The following AFAP1 variants were observed in gnomAD, a reference collection of about 807,000 sequenced individuals.
AFAP1 encodes actin filament-associated protein 1.
AFAP1 carries 75 observed loss-of-function variants against 93.9 expected under a neutral mutation model. The observed-to-expected ratio is 0.80, with a 90% CI of 0.66 to 0.97. The LOEUF (loss-of-function observed/expected upper bound fraction) is 0.97, where lower values mean the gene tolerates loss of function less well. Ranked by LOEUF, AFAP1 falls within the 50% of genes least tolerant of loss-of-function variation. The pLI, the probability that AFAP1 is intolerant of heterozygous loss-of-function variation, is 0.00. For synonymous variants in AFAP1, 517 were observed against 430.7 expected, an observed-to-expected ratio of 1.20 and a Z score of -2.48; for missense variants, 1,201 against 1,050.8, an observed-to-expected ratio of 1.14 and a Z score of -1.98.
chr4:7,877,283 G>A (rs760184002), intron 1 of AFAP1, among the ~76,000 whole-genome samples: 3 of 151,676 alleles, frequency 2.0e-5, no homozygotes, highest in Admixed American at 6.6e-5. Flanking sequence ...TTCTCACAAC[G>A]GGTCCTGTGA....
intron 1 of AFAP1, among the ~76,000 whole-genome samples, chr4:7,930,660 C>T (rs541154427): frequency 5.8e-4 from 88 of 152,268 alleles, no homozygotes; most frequent in Non-Finnish European, 1.0e-3. Context: ...CAATGATGTT[C>T]CTATCAGGAA....
intron 3 of AFAP1, among the ~76,000 whole-genome samples, chr4:7,856,100 G>A (rs541034722): frequency 6.6e-6 from 1 of 152,344 alleles, no homozygotes; most frequent in Admixed American, 6.5e-5. Context: ...GAGTGCACGA[G>A]TGAGGCTTGC....
At chr4:7,784,424 A>C (rs545199733) in intron 12 of AFAP1, among the ~76,000 whole-genome samples, 54 of 152,108 alleles carry the variant, frequency 3.6e-4, no homozygotes, top group Non-Finnish European at 7.2e-4. Flanking sequence ...CATGAGACTC[A>C]AAGGCCCTTT....
At chr4:7,776,017 G>A (rs972547950) in intron 14 of AFAP1, 1 of 152,132 alleles carries the variant, frequency 6.6e-6, no homozygotes, top group African/African-American at 2.4e-5. Context: ...CAGTAATTTA[G>A]GACAACACCT....
At chr4:7,860,297 GGT>G (rs1260963532) in intron 3 of AFAP1, among the ~76,000 whole-genome samples, 4 of 151,986 alleles carry the variant, frequency 2.6e-5, no homozygotes, top group Non-Finnish European at 5.9e-5. Flanking sequence ...GTGACAGGGG[GGT>G]GGATTTGGAA....
At chr4:7,801,912 C>CAGA (rs1719065322) in intron 9 of AFAP1, among the ~76,000 whole-genome samples, 1 of 28,070 alleles carries the variant, frequency 3.6e-5, no homozygotes, top group Admixed American at 6.3e-4. Flanking sequence ...GAGACCCTAT[C>CAGA]ACAAAAAAAA....
At chr4:7,805,766 T>C (rs1317368314) in intron 9 of AFAP1, among the ~76,000 whole-genome samples, 2 of 152,184 alleles carry the variant, frequency 1.3e-5, no homozygotes, top group Non-Finnish European at 2.9e-5. Flanking sequence ...AATGAGCCCC[T>C]GTTCTTACGC....
At chr4:7,780,571 G>A (rs1226139419) in intron 13 of AFAP1, among the ~76,000 whole-genome samples, 2 of 152,292 alleles carry the variant, frequency 1.3e-5, no homozygotes, top group African/African-American at 4.8e-5. Flanking sequence ...CCAGCTACTT[G>A]GGAGGCCAAG....
intron 16 of AFAP1, among the ~76,000 whole-genome samples, chr4:7,771,298 C>T (rs1434653592): frequency 6.6e-6 from 1 of 151,986 alleles, no homozygotes; most frequent in Non-Finnish European, 1.5e-5. Flanking sequence ...GTGGGAGGAT[C>T]ACCTGAGCCC....
chr4:7,898,340 A>G (rs945550479), intron 1 of AFAP1, among the ~76,000 whole-genome samples: 2 of 152,006 alleles, frequency 1.3e-5, no homozygotes, highest in Non-Finnish European at 2.9e-5. Context: ...CCCAGAAGGC[A>G]GAGGTTGCAG....
intron 6 of AFAP1, among the ~76,000 whole-genome samples, chr4:7,829,620 CAG>C (rs1491425017): frequency 6.6e-6 from 1 of 152,192 alleles, no homozygotes; most frequent in East Asian, 1.9e-4. Flanking sequence ...AAAAAATACT[CAG>C]TGTCATTCAC....
intron 1 of AFAP1, among the ~76,000 whole-genome samples, chr4:7,931,179 G>A (rs1043550896): frequency 6.6e-6 from 1 of 152,148 alleles, no homozygotes; most frequent in African/African-American, 2.4e-5. Flanking sequence ...CAATCTAGAA[G>A]AATGAGCTAA....
Position 7,766,886 on chromosome 4 carries a change from T to C in AFAP1, c.2418+1958A>G, listed in dbSNP as rs115534310. Among the ~76,000 whole-genome samples the C allele has an allele frequency of 2.0e-3, 308 of 151,890 alleles. 2 individuals are homozygous for C. The highest frequency in any genetic ancestry group is 7.3e-3 in the African/African-American group (304 of 41,432). On this transcript the variant is annotated intron_variant, in intron 17 of 17. Transcript: ENST00000420658. Reference sequence around the variant, plus strand: ...CGTCTGACTTTCCAGAACCCTCTCTTGCGCTCAATGCTCCTCACCGAGAGT... The same window carrying C: ...CGTCTGACTTTCCAGAACCCTCTCTCGCGCTCAATGCTCCTCACCGAGAGT...
intron 1 of AFAP1, among the ~76,000 whole-genome samples, chr4:7,901,000 T>C (rs1468610148): frequency 6.6e-6 from 1 of 152,228 alleles, no homozygotes; most frequent in Non-Finnish European, 1.5e-5. Context: ...TGCTTTCCAA[T>C]GCCTTCCTTC....
chr4:7,923,418 G>C (rs575838767), intron 1 of AFAP1, among the ~76,000 whole-genome samples: 1 of 152,306 alleles, frequency 6.6e-6, no homozygotes, highest in Admixed American at 6.5e-5. Flanking sequence ...CCTCTTCCTG[G>C]CTTGCAGACA....
chr4:7,813,465 T>G (rs759882864), intron 8 of AFAP1, among the ~76,000 whole-genome samples: 14 of 152,224 alleles, frequency 9.2e-5, no homozygotes, highest in Non-Finnish European at 1.9e-4. Flanking sequence ...CAGATATATT[T>G]GCTTACAAGT....
intron 3 of AFAP1, among the ~76,000 whole-genome samples, chr4:7,858,953 C>T (rs1312416770): frequency 6.6e-6 from 1 of 152,210 alleles, no homozygotes; most frequent in Non-Finnish European, 1.5e-5. Context: ...AATCTCTGGG[C>T]AGAGCAAGTC....
At chr4:7,886,894 T>C (rs1718169066) in intron 1 of AFAP1, among the ~76,000 whole-genome samples, 1 of 152,200 alleles carries the variant, frequency 6.6e-6, no homozygotes, top group South Asian at 2.1e-4. Context: ...AAGGTCAATT[T>C]AGTTCAGTAA....
chr4:7,781,476 G>T lies in AFAP1; in HGVS notation c.1682C>A (p.Ala561Asp). 1 of 1,552,150 alleles carries T rather than the reference G, an allele frequency of 6.4e-7. No individual in the cohort carries two copies. The highest frequency in any genetic ancestry group is 8.7e-7 in the Non-Finnish European group (1 of 1,147,088). ...PADRKASRLS[A>D]DKLSSNHYKY... is the part of the protein sequence containing the mutation. ...GTAATGGTTAGAGGACAGCTTGTCA[G>T]CAGACAGCCTAGAGGCCTTTCTGTC... Residue 561 changes from alanine (A) to aspartate (D), a missense_variant, in exon 13 of 18, where the codon GCT becomes GAT. Coordinates refer to ENST00000420658, the MANE Select transcript of AFAP1 (RefSeq NM_001134647.2).
Sources: gnomAD v4.1 joint callset for allele counts (sites outside exome capture counted in the v4.1 genomes callset) on GRCh38, gnomAD v4.1.1 for gene constraint, MANE v1.5 for transcripts, NCBI Gene and HGNC (gene_info 2026-07-23, HGNC 2026-07-21) for gene names.